ERVFRD-1: variants seen among roughly 807,000 people sequenced by gnomAD.
ERVFRD-1 encodes endogenous retrovirus group FRD member 1, envelope, also known as syncytin-2.
A neutral mutation model predicts 43.8 loss-of-function variants in ERVFRD-1; 33 were observed. The observed-to-expected ratio is 0.75, with a 90% CI of 0.57 to 1.01. ERVFRD-1 has a LOEUF of 1.01. Among genes scored for constraint, ERVFRD-1 ranks in the 50% least tolerant of loss-of-function variants. The pLI, the probability that ERVFRD-1 is intolerant of heterozygous loss-of-function variation, is 0.00. For synonymous variants in ERVFRD-1, 239 were observed against 244.4 expected (o/e 0.98, Z 0.21); for missense variants, 568 against 658.4 (o/e 0.86, Z 1.50).
In ERVFRD-1 at chr6:11,105,051, C is replaced by T; in HGVS notation, c.260G>A (p.Arg87Lys). ...RWDPNLKGLM[R>K]PANSLLSTVK... is the part of the protein sequence containing the mutation. ...TGTTGAAAGAAGACTATTTGCAGGC[C>T]TCATCAGTCCTTTCAGATTAGGGTC... is the stretch of plus-strand genomic sequence containing the variant. Residue 87 changes from arginine to lysine, a missense_variant, in exon 2 of 2, where the codon AGG (arginine) becomes AAG (lysine). By Grantham distance (26) the Arg-to-Lys change is conservative. Transcript: ENST00000472091. 1 of 1,614,166 alleles carries T rather than the reference C, an allele frequency of 6.2e-7. No individual in the cohort carries two copies. The highest frequency in any genetic ancestry group is 8.5e-7 in the Non-Finnish European group (1 of 1,180,024).
In ERVFRD-1 at chr6:11,103,570, T is replaced by C; in HGVS notation, c.*124A>G. 1 of 1,397,498 alleles carries C rather than the reference T, an allele frequency of 7.2e-7. No individual in the cohort carries two copies. The highest frequency in any genetic ancestry group is 9.4e-7 in the Non-Finnish European group (1 of 1,064,838). The allele number at this position is 1,397,498 out of a possible 1,614,324, so 86.6% of individuals were successfully genotyped here. The stretch of plus-strand genomic sequence containing the variant: ...GGTTGTTCTGTGGGTCTTGGCCTCT[T>C]GCTAGCTGTCAGGGCAGGATGGCTC... On this transcript the variant is annotated 3_prime_UTR_variant, in exon 2 of 2. Coordinates refer to ENST00000472091, the MANE Select transcript of ERVFRD-1 (RefSeq NM_207582.3).
Position 11,104,897 on chromosome 6 carries a change from GC to G in ERVFRD-1, c.413del (p.Gly138AlafsTer14). 1 of 1,614,220 alleles carries G rather than the reference GC, an allele frequency of 6.2e-7. No individual in the cohort carries two copies. Among genetic ancestry groups the G allele is most frequent in the Non-Finnish European group, 8.5e-7 (1 of 1,180,048 alleles). On this transcript the variant is annotated frameshift_variant, in exon 2 of 2. Transcript: ENST00000472091. LOFTEE classifies it high-confidence loss of function. ...MAKRKNGTNV[G>X]TLPSTVCNVT... is the part of the protein sequence containing the mutation. Reference sequence around the variant, plus strand: ...CATTACAGACTGTACTTGGAAGAGTGCCTACATTTGTTCCATTTTTCCTTTT... The same window carrying G: ...CATTACAGACTGTACTTGGAAGAGTGCTACATTTGTTCCATTTTTCCTTTT...
At chr6:11,107,757 A>G (rs1363463923) in intron 1 of ERVFRD-1, among the ~76,000 whole-genome samples, 1 of 152,080 alleles carries the variant, frequency 6.6e-6, no homozygotes, top group African/African-American at 2.4e-5. Context: ...ACTAGCCTGT[A>G]TTTTTCATTG....
rs767913183 is a variant in ERVFRD-1 at position 11,105,103 on chromosome 6, C to T, written c.208G>A (p.Ala70Thr). 9.3e-6 allele frequency: 15 copies of T among 1,614,072 alleles called. No individual in the cohort carries two copies. Among genetic ancestry groups the T allele is most frequent in the Non-Finnish European group, 1.3e-5 (15 of 1,180,042 alleles). The part of the protein sequence containing the change: ...ASPREWTSIE[A>T]ELHISYRWDP... ...CATCGATAGGAAATATGTAATTCCGCCTCTATGCTTGTCCATTCTCTGGGC... is the reference window on the plus strand; with the variant it reads ...CATCGATAGGAAATATGTAATTCCGTCTCTATGCTTGTCCATTCTCTGGGC... The change falls in exon 2 of 2, where the codon GCG becomes ACG. Residue 70 changes from alanine to threonine, a missense_variant. Coordinates refer to ENST00000472091, the MANE Select transcript of ERVFRD-1 (RefSeq NM_207582.3).
Position 11,105,363 on chromosome 6 carries a change from G to A in ERVFRD-1, c.-53C>T. ...ACGAGCTGCCAATGGAACTCCTGGTGGTGTACAAGTTAGGGTTAAAATAGT... is the reference window on the plus strand; with the variant it reads ...ACGAGCTGCCAATGGAACTCCTGGTAGTGTACAAGTTAGGGTTAAAATAGT... On this transcript the variant is annotated 5_prime_UTR_variant, in exon 2 of 2. Coordinates refer to ENST00000472091, the MANE Select transcript of ERVFRD-1 (RefSeq NM_207582.3). 1 of 1,388,258 alleles carries A rather than the reference G, an allele frequency of 7.2e-7. No homozygotes were observed. Among genetic ancestry groups the A allele is most frequent in the Non-Finnish European group, 1.0e-6 (1 of 1,001,698 alleles). 86.0% of individuals were successfully genotyped at this position (1,388,258 alleles called of 1,614,324 possible).
intron 1 of ERVFRD-1, among the ~76,000 whole-genome samples, chr6:11,109,769 G>A (rs951123569): frequency 3.3e-5 from 5 of 152,140 alleles, no homozygotes; most frequent in African/African-American, 9.7e-5. Context: ...GGGTTTGGGA[G>A]TCAAACTTTT....
chr6:11,110,276 GT>G (rs1361448657), intron 1 of ERVFRD-1, among the ~76,000 whole-genome samples: 2 of 152,168 alleles, frequency 1.3e-5, no homozygotes, highest in East Asian at 1.9e-4. Flanking sequence ...GTGGTAATCT[GT>G]TTTGTGTTTG....
Position 11,104,924 on chromosome 6 carries a change from G to C in ERVFRD-1, c.387C>G (p.Ala129=). 6.2e-7 allele frequency: 1 copy of C among 1,614,052 alleles called. No individual in the cohort carries two copies. Among genetic ancestry groups the C allele is most frequent in the Non-Finnish European group, 8.5e-7 (1 of 1,179,990 alleles). The change falls in exon 2 of 2, where the codon GCC becomes GCG. Residue 129 remains alanine, a synonymous_variant. Coordinates refer to ENST00000472091, the MANE Select transcript of ERVFRD-1 (RefSeq NM_207582.3). ...CTACATTTGTTCCATTTTTCCTTTT[G>C]GCCATAACACAAATAGGGGCTATTC... is the stretch of plus-strand genomic sequence containing the variant. ...LMGIAPICVM[A]KRKNGTNVGT...
chr6:11,105,413 TA>T lies in ERVFRD-1; in HGVS notation c.-104del. On this transcript the variant is annotated 5_prime_UTR_variant, in exon 2 of 2. Transcript: ENST00000472091. Reference sequence around the variant, plus strand: ...TGATAACAATCAGAGCAATTGCCAGTAAAATTTCTAGTATTGGGATCACCTT... The same window carrying T: ...TGATAACAATCAGAGCAATTGCCAGTAAATTTCTAGTATTGGGATCACCTT... The T allele has an allele frequency of 1.2e-6, 1 of 816,696 alleles. No homozygotes were observed. Among genetic ancestry groups the T allele is most frequent in the Non-Finnish European group, 1.9e-6 (1 of 520,246 alleles). 50.6% of individuals were successfully genotyped at this position (816,696 alleles called of 1,614,324 possible). A position where few individuals can be genotyped will look rare whatever the true frequency, so the allele number is the denominator to read the frequency against.
intron 1 of ERVFRD-1, among the ~76,000 whole-genome samples, chr6:11,110,891 C>G (rs549827177): frequency 6.3e-4 from 96 of 152,240 alleles, no homozygotes; most frequent in African/African-American, 2.2e-3. Context: ...TGGGTGGGGT[C>G]CTTAAGGGCT....
intron 1 of ERVFRD-1, among the ~76,000 whole-genome samples, chr6:11,110,582 A>G (rs756571722): frequency 7.9e-5 from 12 of 152,144 alleles, no homozygotes; most frequent in Non-Finnish European, 1.3e-4. Context: ...AGAGGAATGG[A>G]GGAAAATTTG....
intron 1 of ERVFRD-1, among the ~76,000 whole-genome samples, chr6:11,110,030 C>T (rs560771548): frequency 6.6e-6 from 1 of 152,286 alleles, no homozygotes; most frequent in South Asian, 2.1e-4. Flanking sequence ...TTACCAGGTA[C>T]CCCTAACCTT....
In ERVFRD-1 at chr6:11,103,534, G is replaced by C. The variant is rs1758030280; in HGVS notation, c.*160C>G. 9.6e-7 allele frequency: 1 copy of C among 1,036,306 alleles called. No individual in the cohort carries two copies. The allele number at this position is 1,036,306 out of a possible 1,614,324, so 64.2% of individuals were successfully genotyped here. ...TCTTTAACTGCTTCCTGCTGACAGA[G>C]GGGCTGTAGTGGTTGTTCTGTGGGT... On this transcript the variant is annotated 3_prime_UTR_variant, in exon 2 of 2. Coordinates refer to ENST00000472091, the MANE Select transcript of ERVFRD-1 (RefSeq NM_207582.3).
rs893871258 is a variant in ERVFRD-1 at position 11,102,641 on chromosome 6, G to A, written c.*1053C>T. The A allele has an allele frequency of 6.6e-6, 1 of 152,252 alleles. No homozygotes were observed. The highest frequency in any genetic ancestry group is 2.4e-5 in the African/African-American group (1 of 41,464). 9.4% of individuals were successfully genotyped at this position (152,252 alleles called of 1,614,324 possible). A position where few individuals can be genotyped will look rare whatever the true frequency, so the allele number is the denominator to read the frequency against. Reference sequence around the variant, plus strand: ...ACAAAGAAAATACTTGGTTAAAGTTGAAAGGACCTAGTTAGAGGTTAGATG... The same window carrying A: ...ACAAAGAAAATACTTGGTTAAAGTTAAAAGGACCTAGTTAGAGGTTAGATG... On this transcript the variant is annotated 3_prime_UTR_variant, in exon 2 of 2. Coordinates refer to ENST00000472091, the MANE Select transcript of ERVFRD-1 (RefSeq NM_207582.3).
chr6:11,105,321 G>C lies in ERVFRD-1; in HGVS notation c.-11C>G, dbSNP rs375155006. 6.3e-7 allele frequency: 1 copy of C among 1,596,320 alleles called. No homozygotes were observed. The highest frequency in any genetic ancestry group is 1.3e-5 in the African/African-American group (1 of 74,172). ...CAGGAGCAGGCCCATGGTGACCTAA[G>C]AGAAACTGGTCACAAAACGAGCTGC... On this transcript the variant is annotated 5_prime_UTR_variant, in exon 2 of 2. Coordinates refer to ENST00000472091, the MANE Select transcript of ERVFRD-1 (RefSeq NM_207582.3).
intron 1 of ERVFRD-1, among the ~76,000 whole-genome samples, chr6:11,109,972 A>G (rs1758143903): frequency 6.6e-6 from 1 of 152,128 alleles, no homozygotes; most frequent in South Asian, 2.1e-4. Context: ...TCCTTTGCGT[A>G]TGGCAGTGTC....
chr6:11,108,316 C>G (rs897329898), intron 1 of ERVFRD-1, among the ~76,000 whole-genome samples: 17 of 152,192 alleles, frequency 1.1e-4, no homozygotes, highest in Non-Finnish European at 2.1e-4. Context: ...CTGGGCACAT[C>G]CAAGGCAGCC....
rs1005353681 is a variant in ERVFRD-1 at position 11,103,810 on chromosome 6, G to A, written c.1501C>T (p.Pro501Ser). 1 of 1,551,634 alleles carries A rather than the reference G, an allele frequency of 6.4e-7. No homozygotes were observed. The highest frequency in any genetic ancestry group is 2.0e-5 in the Admixed American group (1 of 51,002). The change falls in exon 2 of 2, where the codon CCA (proline) becomes TCA (serine). Residue 501 changes from proline (P) to serine (S), a missense_variant. Coordinates refer to ENST00000472091, the MANE Select transcript of ERVFRD-1 (RefSeq NM_207582.3). ...TGGGTTATTAGATTTAGGAGACATG[G>A]ACCAAAAAGGAGCAAAAGTAGGAGA... is the stretch of plus-strand genomic sequence containing the variant. ...VSLLLLLLFG[P>S]CLLNLITQFV...
chr6:11,103,822 G>A lies in ERVFRD-1; in HGVS notation c.1489C>T (p.Leu497Phe). The A allele has an allele frequency of 1.3e-6, 2 of 1,551,658 alleles. No homozygotes were observed. Among genetic ancestry groups the A allele is most frequent in the Non-Finnish European group, 1.7e-6 (2 of 1,146,974 alleles). ...TTTAGGAGACATGGACCAAAAAGGA[G>A]CAAAAGTAGGAGACTAACAAGTGGG... ...TGPLVSLLLL[L>F]LFGPCLLNLI... The change falls in exon 2 of 2, where the codon CTC becomes TTC. Residue 497 changes from leucine to phenylalanine, a missense_variant. Coordinates refer to ENST00000472091, the MANE Select transcript of ERVFRD-1 (RefSeq NM_207582.3).
Sources: allele counts gnomAD v4.1 joint callset (sites outside exome capture counted in the v4.1 genomes callset), GRCh38; gene constraint gnomAD v4.1.1; transcripts MANE v1.5; gene names NCBI Gene and HGNC (gene_info 2026-07-23, HGNC 2026-07-21).